The following CPNE4 variants were observed in gnomAD, a reference collection of about 807,000 sequenced individuals.
CPNE4 encodes the protein copine-4.
A neutral mutation model predicts 67.9 loss-of-function variants in CPNE4; 25 were observed. The observed-to-expected ratio is 0.37, with a 90% CI of 0.27 to 0.51. CPNE4 has a LOEUF of 0.51. Ranked by LOEUF, CPNE4 falls within the 20% of genes least tolerant of loss-of-function variation. The pLI is 0.93. For missense variants in CPNE4, 464 were observed against 690.8 expected (o/e 0.67, Z 3.68); for synonymous variants, 242 against 244.9 (o/e 0.99, Z 0.11).
chr3:131,978,815 G>C (rs73208125), intron 1 of CPNE4, among the ~76,000 whole-genome samples: 1 of 151,098 alleles, frequency 6.6e-6, no homozygotes, highest in African/African-American at 2.4e-5. Context: ...AATTCTTTTT[G>C]ATGTAGGCCT....
At chr3:131,777,427 A>AAACAAAG (rs2107845730) in intron 2 of CPNE4, among the ~76,000 whole-genome samples, 1 of 152,100 alleles carries the variant, frequency 6.6e-6, no homozygotes, top group African/African-American at 2.4e-5. Context: ...CAAATAACAA[A>AAACAAAG]AACAAAGCAT....
intron 1 of CPNE4, among the ~76,000 whole-genome samples, chr3:131,917,411 G>A (rs1041200820): frequency 3.3e-5 from 5 of 152,118 alleles, no homozygotes; most frequent in African/African-American, 4.8e-5. Flanking sequence ...AAGATACATC[G>A]TGTTTGTCGC....
intron 4 of CPNE4, among the ~76,000 whole-genome samples, chr3:131,697,047 T>C (rs1471472325): frequency 6.6e-6 from 1 of 152,242 alleles, no homozygotes; most frequent in African/African-American, 2.4e-5. Context: ...CTAGTTTTTA[T>C]GTCAAATTTT....
chr3:131,692,249 C>G (rs969911259), intron 5 of CPNE4, among the ~76,000 whole-genome samples: 8 of 152,022 alleles, frequency 5.3e-5, no homozygotes, highest in African/African-American at 1.9e-4. Flanking sequence ...TTTTGTGACT[C>G]TGGGAAATGT....
At chr3:131,568,273 G>T (rs1367001958) in intron 10 of CPNE4, among the ~76,000 whole-genome samples, 1 of 151,956 alleles carries the variant, frequency 6.6e-6, no homozygotes, top group African/African-American at 2.4e-5. Flanking sequence ...ATCTTCAGGG[G>T]GTGGTCTTCC....
chr3:131,577,836 A>C (rs1937587328), intron 9 of CPNE4, among the ~76,000 whole-genome samples: 1 of 152,126 alleles, frequency 6.6e-6, no homozygotes, highest in Admixed American at 6.6e-5. Context: ...CCTCCATTAT[A>C]ATCTTATGGG....
At chr3:131,997,849 AAGGT>A (rs1367146401) in intron 1 of CPNE4, among the ~76,000 whole-genome samples, 3 of 152,058 alleles carry the variant, frequency 2.0e-5, no homozygotes, top group Admixed American at 6.6e-5. Context: ...GCAGCAGAGA[AAGGT>A]AGAAAGTTTT....
intron 2 of CPNE4, among the ~76,000 whole-genome samples, chr3:131,747,552 A>T (rs1052925267): frequency 1.3e-5 from 2 of 151,546 alleles, no homozygotes; most frequent in African/African-American, 4.9e-5. Flanking sequence ...TAAAAAAAAA[A>T]TTTGAGACAG....
At chr3:131,858,448 G>C (rs561338482) in intron 2 of CPNE4, among the ~76,000 whole-genome samples, 1 of 152,098 alleles carries the variant, frequency 6.6e-6, no homozygotes, top group Non-Finnish European at 1.5e-5. Context: ...AGAAAAGTTG[G>C]TTATATTCAC....
In CPNE4 at chr3:132,034,749, T is replaced by C; in HGVS notation, c.-184A>G. On this transcript the variant is annotated 5_prime_UTR_variant, in exon 1 of 16. Coordinates refer to ENST00000429747, the MANE Select transcript of CPNE4 (RefSeq NM_130808.3). Reference sequence around the variant, plus strand: ...CCGAGGTCAGTTTAGCAACAGCGGCTGGGAAAGGTGCTGAGAGCAGAGTTC... The same window carrying C: ...CCGAGGTCAGTTTAGCAACAGCGGCCGGGAAAGGTGCTGAGAGCAGAGTTC... 1.0e-6 allele frequency: 1 copy of C among 984,900 alleles called. No individual in the cohort carries two copies. Among genetic ancestry groups the C allele is most frequent in the Non-Finnish European group, 1.2e-6 (1 of 829,938 alleles). 61.0% of individuals were successfully genotyped at this position (984,900 alleles called of 1,614,324 possible).
chr3:131,825,237 C>T (rs1159387669), intron 2 of CPNE4, among the ~76,000 whole-genome samples: 1 of 152,070 alleles, frequency 6.6e-6, no homozygotes, highest in Non-Finnish European at 1.5e-5. Flanking sequence ...GTAGCTCAGG[C>T]CTGTAATCCT....
intron 2 of CPNE4, among the ~76,000 whole-genome samples, chr3:131,852,175 A>T (rs1032452380): frequency 6.6e-6 from 1 of 152,124 alleles, no homozygotes; most frequent in Non-Finnish European, 1.5e-5. Context: ...GGTATGATAT[A>T]TTAATAGGCC....
intron 14 of CPNE4, among the ~76,000 whole-genome samples, chr3:131,548,456 G>T (rs1169795315): frequency 6.6e-6 from 1 of 150,726 alleles, no homozygotes; most frequent in Non-Finnish European, 1.5e-5. Flanking sequence ...GTACTAAGAA[G>T]AAAAGTAAAG....
chr3:131,782,979 G>T (rs1409687820), intron 2 of CPNE4, among the ~76,000 whole-genome samples: 2 of 151,996 alleles, frequency 1.3e-5, no homozygotes, highest in East Asian at 1.9e-4. Flanking sequence ...GAGACAATCT[G>T]CTTATCATGG....
intron 2 of CPNE4, among the ~76,000 whole-genome samples, chr3:131,904,764 C>T (rs916404820): frequency 1.3e-5 from 2 of 152,118 alleles, no homozygotes; most frequent in African/African-American, 2.4e-5. Flanking sequence ...ATAGGACTGT[C>T]ATCTACTGAG....
At position 131,586,368 on chromosome 3, in the gene CPNE4, TA is replaced by T. The variant is rs568335605; in HGVS notation, c.780+1115del. ...ATGAATAGAGGAGTGAGAAATTAGATAGAAGAGGCATCCCAGAAAGGGTGCA... is the reference window on the plus strand; with the variant it reads ...ATGAATAGAGGAGTGAGAAATTAGATGAAGAGGCATCCCAGAAAGGGTGCA... On this transcript the variant is annotated intron_variant, in intron 8 of 15. Transcript: ENST00000429747. Among the ~76,000 whole-genome samples the T allele has an allele frequency of 9.9e-4, 150 of 152,216 alleles. 1 individual carries two copies. Among genetic ancestry groups the T allele is most frequent in the African/African-American group, 3.4e-3 (142 of 41,534 alleles).
intron 7 of CPNE4, among the ~76,000 whole-genome samples, chr3:131,628,845 A>G (rs899537041): frequency 7.3e-6 from 1 of 137,328 alleles, no homozygotes; most frequent in Non-Finnish European, 1.6e-5. Flanking sequence ...TTTCAAAAAA[A>G]ACCAGCTCCT....
intron 2 of CPNE4, among the ~76,000 whole-genome samples, chr3:131,790,744 C>A (rs1246006653): frequency 2.0e-5 from 3 of 152,096 alleles, no homozygotes; most frequent in African/African-American, 7.2e-5. Flanking sequence ...TAAATCCTAT[C>A]ATTTATTTGA....
Position 131,807,352 on chromosome 3 carries a change from A to G in CPNE4, c.181-83727T>C, listed in dbSNP as rs115929805. Among the ~76,000 whole-genome samples the G allele has an allele frequency of 2.6e-3, 389 of 152,334 alleles. 2 individuals carry two copies. Among genetic ancestry groups the G allele is most frequent in the Admixed American group, 5.8e-3 (89 of 15,300 alleles). The stretch of plus-strand genomic sequence containing the variant: ...AAAATTGTTTCTAAAAAGGTATCAT[A>G]TCGCATATATAATTTTATACTTTTT... On this transcript the variant is annotated intron_variant, in intron 2 of 15. Transcript: ENST00000429747.
Sources: gnomAD v4.1 joint callset for allele counts (sites outside exome capture counted in the v4.1 genomes callset) on GRCh38, gnomAD v4.1.1 for gene constraint, MANE v1.5 for transcripts, NCBI Gene and HGNC (gene_info 2026-07-23, HGNC 2026-07-21) for gene names.